Variants in TRIM55 observed in about 807,000 individuals in gnomAD.
TRIM55 encodes the protein tripartite motif-containing protein 55.
A neutral mutation model predicts 60.9 loss-of-function variants in TRIM55; 50 were observed. The ratio of observed to expected loss-of-function variants is 0.82; its 90% CI spans 0.65 to 1.04. The LOEUF is 1.04. Among genes scored for constraint, TRIM55 ranks in the 50% least tolerant of loss-of-function variants. The pLI is 0.00. For missense variants in TRIM55, 681 were observed against 666.9 expected (o/e 1.02, Z -0.23); for synonymous variants, 237 against 238.1 (o/e 1.00, Z 0.04).
chr8:66,126,233 A>C (rs920870015), upstream of TRIM55, among the ~76,000 whole-genome samples: 2 of 152,396 alleles, frequency 1.3e-5, no homozygotes, highest in Admixed American at 1.3e-4. Context: ...CCAAGGGATG[A>C]CAAAATAAAA....
At chr8:66,116,025 G>C in the TRIM55 span, among the ~76,000 whole-genome samples, 1 of 152,176 alleles carries the variant, frequency 6.6e-6, no homozygotes, top group Non-Finnish European at 1.5e-5. Flanking sequence ...TACAGCGAAG[G>C]CCTGGGGGAA....
chr8:66,153,008 T>C (rs1009844039), intron 8 of TRIM55, among the ~76,000 whole-genome samples: 5 of 151,692 alleles, frequency 3.3e-5, no homozygotes. Flanking sequence ...GGTCTGCTCT[T>C]TGTTACTTAG....
intron 9 of TRIM55, among the ~76,000 whole-genome samples, chr8:66,170,472 A>T (rs1192407790): frequency 6.6e-6 from 1 of 152,164 alleles, no homozygotes; most frequent in Non-Finnish European, 1.5e-5. Context: ...CTTGACATGT[A>T]TGTATGCATG....
chr8:66,163,387 C>T (rs1240009407), intron 9 of TRIM55, among the ~76,000 whole-genome samples: 1 of 152,166 alleles, frequency 6.6e-6, no homozygotes, highest in Non-Finnish European at 1.5e-5. Flanking sequence ...ATTTTTCTTG[C>T]TTTCTGATAC....
chr8:66,174,101 C>T (rs1811788145), intron 9 of TRIM55, among the ~76,000 whole-genome samples: 1 of 151,716 alleles, frequency 6.6e-6, no homozygotes, highest in Non-Finnish European at 1.5e-5. Context: ...ATTCTGCAAC[C>T]CTTTCTAAAC....
upstream of TRIM55, chr8:66,127,108 C>G (rs1426785702): frequency 2.8e-6 from 2 of 719,240 alleles, no homozygotes; most frequent in African/African-American, 3.6e-5. Context: ...CTAAAAACAG[C>G]TCCAGCACCC....
At chr8:66,113,974 A>G in the TRIM55 span, among the ~76,000 whole-genome samples, 2 of 151,626 alleles carry the variant, frequency 1.3e-5, no homozygotes, top group Non-Finnish European at 2.9e-5. Flanking sequence ...GCACCCGGGA[A>G]GCTGTGCCCG....
At chr8:66,137,252 TC>T in intron 4 of TRIM55, 62 bp downstream of exon 4, 2 of 1,250,922 alleles carry the variant, frequency 1.6e-6, no homozygotes, top group Non-Finnish European at 2.3e-6. Flanking sequence ...GTTTATGACT[TC>T]CTTAGTGCCA....
At chr8:66,133,769 T>C (rs756676167) in intron 2 of TRIM55, among the ~76,000 whole-genome samples, 6 of 152,224 alleles carry the variant, frequency 3.9e-5, no homozygotes, top group Non-Finnish European at 5.9e-5. Context: ...TCTCTGCCTT[T>C]CTCTGAGTTC....
chr8:66,143,781 A>G (rs572494116), intron 4 of TRIM55, among the ~76,000 whole-genome samples: 2 of 152,330 alleles, frequency 1.3e-5, no homozygotes, highest in South Asian at 4.1e-4. Flanking sequence ...TTCTGTACAC[A>G]TAATGCTGGG....
the TRIM55 span, among the ~76,000 whole-genome samples, chr8:66,121,567 G>C: frequency 6.6e-6 from 1 of 152,262 alleles, no homozygotes. Flanking sequence ...TAAACAGACT[G>C]TAACGTGCTC....
At chr8:66,172,858 A>G (rs1811720416) in intron 9 of TRIM55, among the ~76,000 whole-genome samples, 1 of 152,226 alleles carries the variant, frequency 6.6e-6, no homozygotes, top group Admixed American at 6.5e-5. Context: ...ATTTGCTCAA[A>G]TTGAATGGTT....
intron 7 of TRIM55, among the ~76,000 whole-genome samples, chr8:66,151,614 G>A (rs549756117): frequency 3.3e-5 from 5 of 152,244 alleles, no homozygotes; most frequent in African/African-American, 1.2e-4. Flanking sequence ...GGCCAAGGCG[G>A]GTGGATCACT....
intron 9 of TRIM55, among the ~76,000 whole-genome samples, chr8:66,154,893 C>T (rs1810653757): frequency 6.6e-6 from 1 of 152,176 alleles, no homozygotes; most frequent in Non-Finnish European, 1.5e-5. Context: ...AGCATGTACT[C>T]CTGGGAGTGG....
chr8:66,152,903 TTG>T (rs59283692), intron 8 of TRIM55, among the ~76,000 whole-genome samples: 32,507 of 139,916 alleles, frequency 0.23, 3,696 homozygotes, highest in Middle Eastern at 0.32. Flanking sequence ...TGTCTGGAAA[TTG>T]TGTGTGTGTG....
intron 9 of TRIM55, chr8:66,155,746 C>T (rs775784844): frequency 7.9e-6 from 11 of 1,386,982 alleles, no homozygotes; most frequent in South Asian, 2.4e-5. Context: ...ACTAACATCT[C>T]ACATAGTTTC....
At chr8:66,120,001 T>A in the TRIM55 span, among the ~76,000 whole-genome samples, 1 of 152,018 alleles carries the variant, frequency 6.6e-6, no homozygotes, top group African/African-American at 2.4e-5. Context: ...TGCAGCTTAG[T>A]GGGTGAGGTC....
At chr8:66,119,568 C>T in the TRIM55 span, among the ~76,000 whole-genome samples, 1 of 152,194 alleles carries the variant, frequency 6.6e-6, no homozygotes, top group African/African-American at 2.4e-5. Context: ...TCTAATGTCT[C>T]CCGTTCTCAG....
chr8:66,155,769 C>A, intron 9 of TRIM55: 2 of 1,190,200 alleles, frequency 1.7e-6, no homozygotes, highest in South Asian at 2.6e-5. Flanking sequence ...CCATAATGTT[C>A]CTCTTCTATA....
Sources: allele counts gnomAD v4.1 joint callset (sites outside exome capture counted in the v4.1 genomes callset), GRCh38; gene constraint gnomAD v4.1.1; transcripts MANE v1.5; gene names NCBI Gene and HGNC (gene_info 2026-07-23, HGNC 2026-07-21).